TMPRSS7: variants seen among roughly 807,000 people sequenced by gnomAD.
The protein encoded by TMPRSS7 is transmembrane serine protease 7, also known as transmembrane protease serine 7.
Under a neutral mutation model 95.6 loss-of-function variants are expected in TMPRSS7, and 81 were observed. That is an observed-to-expected ratio of 0.85 (90% CI 0.71 to 1.02). The LOEUF is 1.02. TMPRSS7 is among the 50% of genes least tolerant of loss of function. The pLI, the probability that TMPRSS7 is intolerant of heterozygous loss-of-function variation, is 0.00. For synonymous variants in TMPRSS7, 364 were observed against 337.8 expected (o/e 1.08, Z -0.85); for missense variants, 945 against 955.2 (o/e 0.99, Z 0.14).
chr3:112,050,472 G>A (rs916754703), intron 8 of TMPRSS7, among the ~76,000 whole-genome samples, 199 bp from the exon 9 acceptor site: 2 of 124,140 alleles, frequency 1.6e-5, no homozygotes, highest in East Asian at 2.7e-4. Flanking sequence ...TATAGAATTA[G>A]AGAATAAGCA....
At position 112,044,165 on chromosome 3, in the gene TMPRSS7, G is replaced by C. The variant is rs529226513; in HGVS notation, c.430-90G>C. ...TTGAGGCTTGCATTTCTTCTTGCTG[G>C]CTGTCAGAGCTTGGGCCTACAACAT... On this transcript the variant is annotated intron_variant, in intron 3 of 17. Transcript: ENST00000452346. 99 of 830,330 alleles carry C rather than the reference G, an allele frequency of 1.2e-4. No homozygotes were observed. The South Asian group carries it at 1.5e-3, about 13-fold the overall frequency. 51.4% of individuals were successfully genotyped at this position (830,330 alleles called of 1,614,324 possible).
intron 12 of TMPRSS7, among the ~76,000 whole-genome samples, chr3:112,065,991 G>A (rs777094370): frequency 5.9e-5 from 9 of 152,100 alleles, no homozygotes; most frequent in Non-Finnish European, 1.3e-4. Flanking sequence ...TTTGTTCGGG[G>A]GCTTGAGGTA....
rs1394561150 is a variant in TMPRSS7, at chr3:112,045,855, G to T, written c.603G>T (p.Lys201Asn). ...AAGACTGTGTTGCCGCCATCTTGAA[G>T]GACTCCATCCAGACAAGCATCATAA... The change falls in exon 5 of 18, where the codon AAG (lysine) becomes AAT (asparagine). Residue 201 changes from lysine (K) to asparagine (N), a missense_variant. Physicochemically the swap from Lys to Asn is moderately conservative, Grantham distance 94. Transcript: ENST00000452346. 9.0e-6 allele frequency: 14 copies of T among 1,551,750 alleles called. No homozygotes were observed. Among genetic ancestry groups the T allele is most frequent in the Non-Finnish European group, 1.2e-5 (14 of 1,147,020 alleles).
At chr3:112,068,620 CTGTT>C (rs2073605221) in intron 13 of TMPRSS7, among the ~76,000 whole-genome samples, 1 of 152,160 alleles carries the variant, frequency 6.6e-6, no homozygotes. Context: ...ATTTGGCTCT[CTGTT>C]TGCCTGTTAT....
intron 2 of TMPRSS7, among the ~76,000 whole-genome samples, chr3:112,041,710 AC>A (rs1408207456): frequency 6.6e-6 from 1 of 152,200 alleles, no homozygotes; most frequent in African/African-American, 2.4e-5. Flanking sequence ...GCCAGAGTGG[AC>A]AGAAGGAATA....
At chr3:112,061,746 A>G in intron 10 of TMPRSS7, 41 bp from the exon 11 acceptor site, 1 of 1,549,788 alleles carries the variant, frequency 6.5e-7, no homozygotes, top group East Asian at 2.4e-5. Context: ...CAGTCGACAG[A>G]ACCTCAAGCT....
exon 18 of TMPRSS7, chr3:112,080,915 G>A (rs2073770740): frequency 6.2e-7 from 1 of 1,612,428 alleles, no homozygotes; most frequent in African/African-American, 1.3e-5. Context: ...TGTGTGTAGG[G>A]AGATTCGGGT....
intron 5 of TMPRSS7, 129 bp downstream of exon 5, chr3:112,046,072 T>A: frequency 1.2e-6 from 1 of 802,166 alleles, no homozygotes; most frequent in Non-Finnish European, 2.0e-6. Context: ...GGCGCAGGAT[T>A]AACTAAAGAC....
At chr3:112,080,953 G>T (rs758086128) in exon 18 of TMPRSS7, 1 of 1,613,932 alleles carries the variant, frequency 6.2e-7, no homozygotes, top group Admixed American at 1.7e-5. Flanking sequence ...AAGAAAAAGT[G>T]ATGGAAAATG....
At chr3:112,079,013 T>C in intron 17 of TMPRSS7, 135 bp downstream of exon 17, 2 of 999,522 alleles carry the variant, frequency 2.0e-6, no homozygotes, top group Non-Finnish European at 2.8e-6. Flanking sequence ...AGATATTATT[T>C]ATCATCCAAT....
Position 112,038,062 on chromosome 3 carries a change from T to G in TMPRSS7, c.49-10T>G. On this transcript the variant is annotated splice_polypyrimidine_tract_variant and intron_variant, in intron 1 of 17. Transcript: ENST00000452346. Reference sequence around the variant, plus strand: ...TACTTGGTAACATATCTTATTTCTTTTTTTTGAAGATATCCAATATCTCAG... The same window carrying G: ...TACTTGGTAACATATCTTATTTCTTGTTTTTGAAGATATCCAATATCTCAG... The G allele has an allele frequency of 1.4e-6, 1 of 701,512 alleles. No homozygotes were observed. The highest frequency in any genetic ancestry group is 2.6e-6 in the Non-Finnish European group (1 of 384,436). 43.5% of individuals were successfully genotyped at this position (701,512 alleles called of 1,614,324 possible).
chr3:112,055,823 C>G (rs747442632), intron 9 of TMPRSS7, among the ~76,000 whole-genome samples: 1 of 152,130 alleles, frequency 6.6e-6, no homozygotes, highest in Non-Finnish European at 1.5e-5. Context: ...GATGTGATTA[C>G]GTCAATTGTT....
At chr3:112,070,518 T>G (rs2073632567) in intron 13 of TMPRSS7, among the ~76,000 whole-genome samples, 1 of 152,238 alleles carries the variant, frequency 6.6e-6, no homozygotes. Flanking sequence ...GCTCCTGTAT[T>G]GGGTGCATAT....
At chr3:112,079,070 G>A (rs1075618) in intron 17 of TMPRSS7, among the ~76,000 whole-genome samples, 192 bp downstream of exon 17, 79,195 of 152,038 alleles carry the variant, frequency 0.52, 21,693 homozygotes, top group East Asian at 0.6. Context: ...TCTATAGAAC[G>A]CAGTTTTCTA....
chr3:112,059,991 C>A (rs193241790), intron 10 of TMPRSS7, among the ~76,000 whole-genome samples: 1 of 152,160 alleles, frequency 6.6e-6, no homozygotes, highest in East Asian at 1.9e-4. Context: ...CCCTAAGCAT[C>A]GGCTGGGTTG....
At chr3:112,077,297 T>C (rs563957205) in intron 16 of TMPRSS7, among the ~76,000 whole-genome samples, 153 bp downstream of exon 16, 27 of 152,312 alleles carry the variant, frequency 1.8e-4, no homozygotes, top group Non-Finnish European at 3.2e-4. Flanking sequence ...AGGGTACTGT[T>C]ATTTCTTTTT....
intron 6 of TMPRSS7, chr3:112,047,359 T>A: frequency 1.7e-6 from 1 of 580,870 alleles, no homozygotes; most frequent in South Asian, 1.5e-5. Flanking sequence ...TATCATTTTC[T>A]AAACCATGAT....
chr3:112,058,500 C>T (rs1416819239), intron 10 of TMPRSS7, among the ~76,000 whole-genome samples: 11 of 152,086 alleles, frequency 7.2e-5, no homozygotes, highest in South Asian at 4.2e-4. Flanking sequence ...TTTGCATTTA[C>T]GAAATCATGT....
At chr3:112,060,963 GTTC>G (rs939902329) in intron 10 of TMPRSS7, among the ~76,000 whole-genome samples, 1 of 152,110 alleles carries the variant, frequency 6.6e-6, no homozygotes, top group African/African-American at 2.4e-5. Flanking sequence ...CAGAATCCAC[GTTC>G]TTCTGCCATG....
Sources: gnomAD v4.1 joint callset for allele counts (sites outside exome capture counted in the v4.1 genomes callset) on GRCh38, gnomAD v4.1.1 for gene constraint, MANE v1.5 for transcripts, NCBI Gene and HGNC (gene_info 2026-07-23, HGNC 2026-07-21) for gene names.